The following CCDC93 variants were observed in gnomAD, a reference collection of about 807,000 sequenced individuals.
The protein encoded by CCDC93 is coiled-coil domain-containing protein 93.
Under a neutral mutation model 108.2 loss-of-function variants are expected in CCDC93, and 61 were observed. That is an observed-to-expected ratio of 0.56 (90% CI 0.46 to 0.70). CCDC93 has a LOEUF of 0.70. CCDC93 is among the 30% of genes least tolerant of loss of function. CCDC93 has a pLI of 0.00. For synonymous variants in CCDC93, 276 were observed against 260.4 expected (o/e 1.06, Z -0.58); for missense variants, 685 against 764.2 (o/e 0.90, Z 1.22).
At chr2:117,949,513 T>G (rs964793235) in intron 13 of CCDC93, 118 bp from the exon 14 acceptor site, 10 of 768,516 alleles carry the variant, frequency 1.3e-5, no homozygotes, top group Admixed American at 2.7e-5. Flanking sequence ...AAACTTGGAT[T>G]TTAATGTGTA....
At chr2:117,968,466 G>A (rs1679658894) in intron 11 of CCDC93, among the ~76,000 whole-genome samples, 1 of 152,288 alleles carries the variant, frequency 6.6e-6, no homozygotes, top group East Asian at 1.9e-4. Flanking sequence ...ATGGCAGATG[G>A]AGCTACTCAG....
chr2:117,974,705 T>C, intron 10 of CCDC93, 145 bp downstream of exon 10: 1 of 645,812 alleles, frequency 1.5e-6, no homozygotes, highest in South Asian at 1.9e-5. Flanking sequence ...AAAAACAGAT[T>C]AACAAAAGGA....
At chr2:117,976,139 T>C (rs953137844) in intron 8 of CCDC93, among the ~76,000 whole-genome samples, 28 of 152,186 alleles carry the variant, frequency 1.8e-4, no homozygotes, top group African/African-American at 6.3e-4. Flanking sequence ...AGTCTATCAC[T>C]GCCCATGGGA....
chr2:118,006,869 G>C (rs1009704253), intron 2 of CCDC93, 53 bp from the exon 3 acceptor site: 21 of 1,066,790 alleles, frequency 2.0e-5, no homozygotes, highest in Non-Finnish European at 3.1e-5. Flanking sequence ...GGGGAGAATG[G>C]AAGAAGTGGA....
At chr2:117,924,253 C>G (rs531500477) in intron 23 of CCDC93, among the ~76,000 whole-genome samples, 1 of 152,178 alleles carries the variant, frequency 6.6e-6, no homozygotes, top group African/African-American at 2.4e-5. Flanking sequence ...CAGCTCCTCA[C>G]CAGCAATGGA....
chr2:117,936,557 G>A, intron 21 of CCDC93, 145 bp downstream of exon 21: 1 of 724,652 alleles, frequency 1.4e-6, no homozygotes, highest in Middle Eastern at 3.4e-4. Context: ...ATACTTAGCA[G>A]AAGGGCTAAA....
At chr2:117,980,367 T>TA (rs745449952) in intron 7 of CCDC93, among the ~76,000 whole-genome samples, 3 of 152,234 alleles carry the variant, frequency 2.0e-5, no homozygotes, top group Non-Finnish European at 2.9e-5. Context: ...TTTCCTTTTT[T>TA]ATGCCTTTAG....
intron 11 of CCDC93, among the ~76,000 whole-genome samples, chr2:117,966,327 T>C (rs1476180466): frequency 6.6e-6 from 1 of 152,170 alleles, no homozygotes; most frequent in East Asian, 1.9e-4. Context: ...AAGGGGGCAG[T>C]AAGACAGAAA....
chr2:117,988,398 C>T lies in CCDC93; in HGVS notation c.520-2329G>A, dbSNP rs577101910. ...TCCCTGATCGCTTCCCTCACAATTA[C>T]CATAGACAACTTTTTTATTGAAATA... is the stretch of plus-strand genomic sequence containing the variant. On this transcript the variant is annotated intron_variant, in intron 6 of 23. Coordinates refer to ENST00000376300, the MANE Select transcript of CCDC93 (RefSeq NM_019044.5). Among the ~76,000 whole-genome samples the T allele has an allele frequency of 9.2e-5, 14 of 152,274 alleles. No homozygotes were observed. The South Asian group carries it at 2.3e-3, about 25-fold the overall frequency.
At chr2:117,948,727 G>T (rs1678954797) in intron 14 of CCDC93, among the ~76,000 whole-genome samples, 1 of 152,180 alleles carries the variant, frequency 6.6e-6, no homozygotes, top group South Asian at 2.1e-4. Context: ...TTCTGTGCCT[G>T]CAACTTTTTG....
intron 2 of CCDC93, 123 bp from the exon 3 acceptor site, chr2:118,006,939 T>C: frequency 1.6e-6 from 1 of 628,278 alleles, no homozygotes; most frequent in Non-Finnish European, 2.9e-6. Context: ...TTATATATCT[T>C]GAGAGAGAGA....
intron 1 of CCDC93, among the ~76,000 whole-genome samples, chr2:118,010,922 A>C (rs1358852187): frequency 1.3e-5 from 2 of 152,216 alleles, no homozygotes; most frequent in Non-Finnish European, 2.9e-5. Context: ...CTGTACATAT[A>C]ACTAAGTATC....
chr2:117,934,749 G>A (rs1678469019), intron 22 of CCDC93: 1 of 152,232 alleles, frequency 6.6e-6, no homozygotes, highest in Non-Finnish European at 1.5e-5. Context: ...TCTGCCCCAA[G>A]ATCGTAAGAG....
intron 7 of CCDC93, 65 bp downstream of exon 7, chr2:117,985,904 A>C (rs1159002089): frequency 1.0e-6 from 1 of 996,642 alleles, no homozygotes; most frequent in African/African-American, 1.6e-5. Flanking sequence ...AAGTTAATCC[A>C]AATGAAGCAA....
At chr2:117,978,174 A>G (rs1356952889) in intron 7 of CCDC93, 144 bp from the exon 8 acceptor site, 2 of 714,120 alleles carry the variant, frequency 2.8e-6, no homozygotes, top group African/African-American at 3.6e-5. Context: ...ACAAGTGCCT[A>G]AATTACAAAC....
At chr2:117,933,034 G>A (rs893548338) in intron 22 of CCDC93, among the ~76,000 whole-genome samples, 13 of 152,216 alleles carry the variant, frequency 8.5e-5, no homozygotes, top group African/African-American at 3.1e-4. Context: ...GGGAGTTAGT[G>A]TGGCAACCTA....
rs539317839 is a variant in CCDC93 at position 117,985,536 on chromosome 2, T to A, written c.620+433A>T. The A allele has an allele frequency of 4.3e-4, 105 of 243,644 alleles. 1 individual carries two copies. The African/African-American group carries it at 6.3e-3, about 15-fold the overall frequency. The allele number at this position is 243,644 out of a possible 1,614,324, so 15.1% of individuals were successfully genotyped here. A position where few individuals can be genotyped will look rare whatever the true frequency, so the allele number is the denominator to read the frequency against. ...GATATAAAATAAGATTTTTTTTTTT[T>A]AAACTAGAGATGTTTTTAAGAAGTG... On this transcript the variant is annotated intron_variant, in intron 7 of 23. Coordinates refer to ENST00000376300, the MANE Select transcript of CCDC93 (RefSeq NM_019044.5).
chr2:117,989,576 AT>A (rs1254391835), intron 6 of CCDC93, among the ~76,000 whole-genome samples: 1 of 152,192 alleles, frequency 6.6e-6, no homozygotes, highest in African/African-American at 2.4e-5. Flanking sequence ...TAAGTGTTCA[AT>A]TAATATTACT....
intron 6 of CCDC93, among the ~76,000 whole-genome samples, chr2:117,987,178 A>G (rs1440726615): frequency 6.6e-6 from 1 of 152,184 alleles, no homozygotes; most frequent in Non-Finnish European, 1.5e-5. Context: ...ATCTTCATAT[A>G]TATCTCACCT....
Sources: allele counts gnomAD v4.1 joint callset (sites outside exome capture counted in the v4.1 genomes callset), GRCh38; gene constraint gnomAD v4.1.1; transcripts MANE v1.5; gene names NCBI Gene and HGNC (gene_info 2026-07-23, HGNC 2026-07-21).